TPRG1: variants seen among roughly 807,000 people sequenced by gnomAD.
The protein encoded by TPRG1 is tumor protein p63-regulated gene 1 protein.
Under a neutral mutation model 29.3 loss-of-function variants are expected in TPRG1, and 29 were observed. The observed-to-expected ratio is 0.99, with a 90% CI of 0.74 to 1.35. The LOEUF is 1.35. TPRG1 is among the 40% of genes most tolerant of loss of function. The pLI is 0.00. For synonymous variants in TPRG1, 130 were observed against 116.8 expected (o/e 1.11, Z -0.73); for missense variants, 327 against 335.0 (o/e 0.98, Z 0.19).
At chr3:189,253,641 C>T (rs1227400346) in intron 4 of TPRG1, among the ~76,000 whole-genome samples, 1 of 152,098 alleles carries the variant, frequency 6.6e-6, no homozygotes, top group Non-Finnish European at 1.5e-5. Flanking sequence ...GGGTCAAATG[C>T]TATTTCTAGT....
chr3:189,072,380 C>G (rs1246326957), intron 4 of TPRG1, among the ~76,000 whole-genome samples: 2 of 151,932 alleles, frequency 1.3e-5, no homozygotes, highest in Non-Finnish European at 2.9e-5. Flanking sequence ...TTCAGCTGTT[C>G]TTTGTTTTTT....
intron 4 of TPRG1, among the ~76,000 whole-genome samples, chr3:189,038,247 A>C (rs1379251832): frequency 6.6e-6 from 1 of 152,056 alleles, no homozygotes; most frequent in East Asian, 1.9e-4. Flanking sequence ...GTATAAAATT[A>C]AGGTGACTAT....
At position 189,320,926 on chromosome 3, in the gene TPRG1, G is replaced by T; in HGVS notation, c.*106G>T. 1 of 1,046,676 alleles carries T rather than the reference G, an allele frequency of 9.6e-7. No individual in the cohort carries two copies. The highest frequency in any genetic ancestry group is 3.5e-5 in the Admixed American group (1 of 28,712). 64.8% of individuals were successfully genotyped at this position (1,046,676 alleles called of 1,614,324 possible). ...CTGAAACAATTAATTATTTTTAAAT[G>T]ACGCTTTATGATTTAGAAATTTAGT... On this transcript the variant is annotated 3_prime_UTR_variant, in exon 6 of 6. Coordinates refer to ENST00000345063, the MANE Select transcript of TPRG1 (RefSeq NM_198485.4).
At chr3:189,279,205 G>T (rs1388884294) in intron 4 of TPRG1, among the ~76,000 whole-genome samples, 5 of 151,998 alleles carry the variant, frequency 3.3e-5, no homozygotes, top group East Asian at 3.9e-4. Context: ...GCTTGATTTG[G>T]CCAGCAGATC....
At chr3:189,136,935 G>A (rs1723817023) in intron 3 of TPRG1, among the ~76,000 whole-genome samples, 1 of 152,056 alleles carries the variant, frequency 6.6e-6, no homozygotes, top group African/African-American at 2.4e-5. Flanking sequence ...CAACATACCA[G>A]GTGCTAGGAT....
chr3:189,035,562 T>C (rs1456222712), intron 4 of TPRG1, among the ~76,000 whole-genome samples: 3 of 152,092 alleles, frequency 2.0e-5, no homozygotes, highest in Admixed American at 1.3e-4. Context: ...ATCTAGAATC[T>C]ATAAGGAACT....
In TPRG1 at chr3:189,016,315, C is replaced by G. The variant is rs527966133; in HGVS notation, c.-659-7435C>G. Among the ~76,000 whole-genome samples the G allele has an allele frequency of 9.2e-5, 14 of 152,146 alleles. 2 individuals carry two copies. The South Asian group carries it at 2.9e-3, about 32-fold the overall frequency. On this transcript the variant is annotated intron_variant, in intron 3 of 10. Coordinates refer to the TPRG1 transcript ENST00000433971. ...TTCCATTTGGAATGGGAGTATTTAC[C>G]CAATAATTGTGCTGCCATTGTATTT...
chr3:189,302,808 A>G (rs1341051665), intron 4 of TPRG1, among the ~76,000 whole-genome samples: 2 of 152,198 alleles, frequency 1.3e-5, no homozygotes, highest in Non-Finnish European at 2.9e-5. Context: ...GGCCTGAGAA[A>G]GAGGGTATTT....
chr3:189,135,324 G>A (rs962469963), intron 3 of TPRG1, among the ~76,000 whole-genome samples: 16 of 152,202 alleles, frequency 1.1e-4, no homozygotes, highest in African/African-American at 3.9e-4. Flanking sequence ...GATCCTGGAC[G>A]TGTACTGTCA....
chr3:189,169,267 C>T (rs377074377), upstream of TPRG1, among the ~76,000 whole-genome samples: 22 of 152,260 alleles, frequency 1.4e-4, no homozygotes, highest in African/African-American at 4.8e-4. Flanking sequence ...TGGGCTTAAG[C>T]GATTCTCCTG....
intron 4 of TPRG1, among the ~76,000 whole-genome samples, chr3:189,031,022 C>T (rs1459729371): frequency 6.6e-6 from 1 of 152,172 alleles, no homozygotes; most frequent in African/African-American, 2.4e-5. Flanking sequence ...GTAATCCCAG[C>T]ACTTTAGAAG....
At chr3:189,221,866 C>A (rs1295537850) in intron 3 of TPRG1, among the ~76,000 whole-genome samples, 1 of 152,202 alleles carries the variant, frequency 6.6e-6, no homozygotes, top group Non-Finnish European at 1.5e-5. Flanking sequence ...AAATGACCTG[C>A]CGAAGGGCAA....
At chr3:189,112,486 T>C (rs923008820) in intron 1 of TPRG1, among the ~76,000 whole-genome samples, 1 of 152,222 alleles carries the variant, frequency 6.6e-6, no homozygotes. Flanking sequence ...CTAGGTTTTC[T>C]TCTAGGGTTT....
chr3:189,098,732 G>A (rs763912996), upstream of TPRG1, among the ~76,000 whole-genome samples: 5 of 152,116 alleles, frequency 3.3e-5, no homozygotes, highest in South Asian at 2.1e-4. Flanking sequence ...AGTAGAGCCC[G>A]CATTCTGATT....
chr3:189,158,928 G>GC (rs140378964), intron 5 of TPRG1, among the ~76,000 whole-genome samples: 4 of 147,812 alleles, frequency 2.7e-5, no homozygotes, highest in Non-Finnish European at 6.0e-5. Flanking sequence ...TTTTTTTTTT[G>GC]TTTTTTTTTG....
chr3:189,097,689 T>C (rs2152185962), upstream of TPRG1, among the ~76,000 whole-genome samples: 1 of 152,370 alleles, frequency 6.6e-6, no homozygotes, highest in African/African-American at 2.4e-5. Context: ...TGGCCTGATT[T>C]GGGTTCACTT....
At chr3:189,033,276 CTT>C (rs745431249) in intron 4 of TPRG1, among the ~76,000 whole-genome samples, 27 of 140,712 alleles carry the variant, frequency 1.9e-4, no homozygotes, top group Admixed American at 3.6e-4. Context: ...GTCATTATTC[CTT>C]TTTTTTTTTT....
chr3:189,224,935 T>C lies in TPRG1; in HGVS notation c.302+9552T>C, dbSNP rs541527028. 2.8e-3 allele frequency among the ~76,000 whole-genome samples: 421 copies of C among 148,462 alleles called. 2 individuals are homozygous for C. The highest frequency in any genetic ancestry group is 9.9e-3 in the African/African-American group (398 of 40,358). ...TATAGGTGTCTCTTCCTTTTTCTTT[T>C]TTTTTTTTTTTTTTGAGACGGAGTC... On this transcript the variant is annotated intron_variant, in intron 3 of 5. Coordinates refer to ENST00000345063, the MANE Select transcript of TPRG1 (RefSeq NM_198485.4).
At chr3:189,189,496 G>A (rs969077546) in intron 1 of TPRG1, among the ~76,000 whole-genome samples, 1 of 152,022 alleles carries the variant, frequency 6.6e-6, no homozygotes, top group Middle Eastern at 3.2e-3. Context: ...GGATATACTT[G>A]GATTTGCCCC....
Sources: allele counts gnomAD v4.1 joint callset (sites outside exome capture counted in the v4.1 genomes callset), GRCh38; gene constraint gnomAD v4.1.1; transcripts MANE v1.5; gene names NCBI Gene and HGNC (gene_info 2026-07-23, HGNC 2026-07-21).